FCRL2: variants seen among roughly 807,000 people sequenced by gnomAD.
FCRL2 encodes the protein Fc receptor like 2.
Under a neutral mutation model 59.8 loss-of-function variants are expected in FCRL2, and 48 were observed. The ratio of observed to expected loss-of-function variants is 0.80; its 90% CI spans 0.64 to 1.02. The LOEUF (loss-of-function observed/expected upper bound fraction) is 1.02. Ranked by LOEUF, FCRL2 falls within the 50% of genes least tolerant of loss-of-function variation. The pLI, the probability that FCRL2 is intolerant of heterozygous loss-of-function variation, is 0.00. For synonymous variants in FCRL2, 251 were observed against 229.5 expected (o/e 1.09, Z -0.85); for missense variants, 658 against 597.3 (o/e 1.10, Z -1.06).
chr1:157,765,823 T>G (rs1192215708), intron 7 of FCRL2, among the ~76,000 whole-genome samples: 1 of 152,232 alleles, frequency 6.6e-6, no homozygotes. Flanking sequence ...ATAAAATTGT[T>G]GTAGAAGTGA....
chr1:157,753,992 A>G (rs1648394377), intron 7 of FCRL2, among the ~76,000 whole-genome samples: 1 of 152,224 alleles, frequency 6.6e-6, no homozygotes, highest in African/African-American at 2.4e-5. Context: ...AATTAAATAA[A>G]TCACATAGAA....
At chr1:157,773,271 T>C (rs1236803930) in intron 2 of FCRL2, among the ~76,000 whole-genome samples, 2 of 152,222 alleles carry the variant, frequency 1.3e-5, no homozygotes, top group African/African-American at 2.4e-5. Flanking sequence ...CATCAGGCAG[T>C]CTTAAGGATT....
chr1:157,746,996 T>A, intron 10 of FCRL2, 97 bp from the exon 11 acceptor site: 2 of 1,260,568 alleles, frequency 1.6e-6, no homozygotes, highest in Middle Eastern at 2.7e-4. Context: ...CTATGCTTAG[T>A]ATGTGGAATC....
At chr1:157,767,197 C>T in intron 6 of FCRL2, 34 bp downstream of exon 6, 2 of 1,586,278 alleles carry the variant, frequency 1.3e-6, no homozygotes, top group Non-Finnish European at 1.7e-6. Context: ...CAGCCATTGA[C>T]ATCAAACTCT....
intron 7 of FCRL2, among the ~76,000 whole-genome samples, chr1:157,754,117 G>A (rs982933285): frequency 6.6e-6 from 1 of 152,152 alleles, no homozygotes; most frequent in East Asian, 1.9e-4. Context: ...TTGAACAGGA[G>A]TTGGGTAAAA....
At chr1:157,769,350 G>A (rs562995497) in intron 4 of FCRL2, 1 of 157,316 alleles carries the variant, frequency 6.4e-6, no homozygotes, top group Non-Finnish European at 1.4e-5. Context: ...AACAAAAAAA[G>A]AAAGATTATA....
chr1:157,756,705 T>C (rs546786582), intron 7 of FCRL2, among the ~76,000 whole-genome samples: 2 of 149,792 alleles, frequency 1.3e-5, no homozygotes, highest in African/African-American at 2.5e-5. Context: ...AGGTTGGATA[T>C]CTGAAGGTCA....
chr1:157,768,775 C>CACA, intron 4 of FCRL2, 74 bp from the exon 5 acceptor site: 2 of 1,398,450 alleles, frequency 1.4e-6, no homozygotes, highest in Non-Finnish European at 1.9e-6. Context: ...ATTCCATTCT[C>CACA]TAATGCAAAA....
At chr1:157,749,814 T>A in intron 7 of FCRL2, 137 bp from the exon 8 acceptor site, 1 of 548,166 alleles carries the variant, frequency 1.8e-6, no homozygotes, top group Non-Finnish European at 3.3e-6. Context: ...TTCATCTAAA[T>A]GGCTACTTAT....
chr1:157,752,554 T>C (rs2101677439), intron 7 of FCRL2, among the ~76,000 whole-genome samples: 1 of 152,340 alleles, frequency 6.6e-6, no homozygotes, highest in East Asian at 1.9e-4. Context: ...GCCTGCGATT[T>C]CAACCAGAGT....
At chr1:157,769,664 T>G in intron 4 of FCRL2, 1 of 525,026 alleles carries the variant, frequency 1.9e-6, no homozygotes, top group South Asian at 2.1e-5. Context: ...CCTGACCTCA[T>G]GATCTGCCCG....
At chr1:157,757,926 CGCTCT>C (rs1571263785) in intron 7 of FCRL2, among the ~76,000 whole-genome samples, 1 of 152,170 alleles carries the variant, frequency 6.6e-6, no homozygotes, top group East Asian at 1.9e-4. Context: ...GGTGCCACTG[CGCTCT>C]AGCCTGGGTG....
chr1:157,771,256 A>G (rs528569694), intron 2 of FCRL2, among the ~76,000 whole-genome samples: 31 of 152,192 alleles, frequency 2.0e-4, no homozygotes, highest in Non-Finnish European at 4.1e-4. Context: ...TAAACACCTC[A>G]TCTTCAGCCT....
chr1:157,772,990 G>C (rs1650140828), intron 2 of FCRL2, among the ~76,000 whole-genome samples: 1 of 152,090 alleles, frequency 6.6e-6, no homozygotes, highest in African/African-American at 2.4e-5. Flanking sequence ...AAGTCATGTA[G>C]ACTTGCACCA....
At chr1:157,764,730 T>C (rs1369003426) in intron 7 of FCRL2, among the ~76,000 whole-genome samples, 3 of 152,094 alleles carry the variant, frequency 2.0e-5, no homozygotes, top group Admixed American at 1.3e-4. Context: ...AACCATTGGG[T>C]CAATGAAGAA....
intron 2 of FCRL2, among the ~76,000 whole-genome samples, chr1:157,774,710 T>G (rs6703940): frequency 0.017 from 2,578 of 152,298 alleles, 63 homozygotes; most frequent in African/African-American, 0.058. Context: ...GTGGGACTCC[T>G]GGACCTTATG....
At chr1:157,752,652 G>A (rs984583071) in intron 7 of FCRL2, among the ~76,000 whole-genome samples, 2 of 152,180 alleles carry the variant, frequency 1.3e-5, no homozygotes, top group Admixed American at 6.5e-5. Context: ...TGCACTCTAA[G>A]AGTACCCTTG....
rs548696263 is a variant in FCRL2 at position 157,747,663 on chromosome 1, G to A, written c.1460-764C>T. Among the ~76,000 whole-genome samples the A allele has an allele frequency of 9.2e-5, 14 of 152,308 alleles. No homozygotes were observed. In the South Asian group the frequency reaches 2.9e-3, roughly 32 times the overall value. ...TCCATCAGAGGCAACCAGGAGTACA[G>A]AACAAAGGACAGCTTTTAGGGTTGT... On this transcript the variant is annotated intron_variant, in intron 10 of 11. Coordinates refer to ENST00000361516, the MANE Select transcript of FCRL2 (RefSeq NM_030764.4).
At position 157,746,136 on chromosome 1, in the gene FCRL2, T is replaced by C. The variant is rs998452875; in HGVS notation, c.*600A>G. The C allele has an allele frequency of 1.3e-5, 2 of 152,534 alleles. No individual in the cohort carries two copies. The highest frequency in any genetic ancestry group is 2.9e-5 in the Non-Finnish European group (2 of 68,316). The allele number at this position is 152,534 out of a possible 1,614,324, so 9.4% of individuals were successfully genotyped here. ...CACAAAAGCCCTAGACCAGATGGAT[T>C]CATAGCTGAATTCTACAAGATGCAG... On this transcript the variant is annotated 3_prime_UTR_variant, in exon 12 of 12. Transcript: ENST00000361516.
Sources: allele counts gnomAD v4.1 joint callset (sites outside exome capture counted in the v4.1 genomes callset), GRCh38; gene constraint gnomAD v4.1.1; transcripts MANE v1.5; gene names NCBI Gene and HGNC (gene_info 2026-07-23, HGNC 2026-07-21).